CA10: variants seen among roughly 807,000 people sequenced by gnomAD.
The protein encoded by CA10 is carbonic anhydrase 10 (inactive).
In CA10, 14 loss-of-function variants were observed where a neutral mutation model predicts 44.2. The observed-to-expected ratio is 0.32, with a 90% CI of 0.21 to 0.50. The LOEUF is 0.50. CA10 is among the 20% of genes least tolerant of loss of function. The pLI, the probability that CA10 is intolerant of heterozygous loss-of-function variation, is 0.99. For synonymous variants in CA10, 159 were observed against 141.6 expected (o/e 1.12, Z -0.87); for missense variants, 350 against 409.7 (o/e 0.85, Z 1.26).
intron 1 of CA10, among the ~76,000 whole-genome samples, chr17:52,106,532 C>T (rs936217391): frequency 1.3e-5 from 2 of 152,160 alleles, no homozygotes. Flanking sequence ...TACAAAAACA[C>T]ATGTCAAGTT....
intron 3 of CA10, among the ~76,000 whole-genome samples, chr17:51,823,828 C>CA (rs1907909949): frequency 6.6e-6 from 1 of 152,182 alleles, no homozygotes; most frequent in South Asian, 2.1e-4. Flanking sequence ...CAACATAAAT[C>CA]ATTTATTAAG....
intron 1 of CA10, among the ~76,000 whole-genome samples, chr17:52,132,588 G>A (rs1989266138): frequency 6.6e-6 from 1 of 152,132 alleles, no homozygotes; most frequent in Non-Finnish European, 1.5e-5. Flanking sequence ...TTATATGTGG[G>A]GCACAGCAAC....
At chr17:51,771,545 A>C (rs896006733) in intron 3 of CA10, among the ~76,000 whole-genome samples, 3 of 151,962 alleles carry the variant, frequency 2.0e-5, no homozygotes, top group Admixed American at 2.0e-4. Flanking sequence ...GGGTCTGGAG[A>C]CTCCGATTTT....
At chr17:51,745,454 G>A (rs73354929) in intron 4 of CA10, among the ~76,000 whole-genome samples, 1 of 152,254 alleles carries the variant, frequency 6.6e-6, no homozygotes, top group African/African-American at 2.4e-5. Flanking sequence ...ACATAATAAT[G>A]TACCATTGTG....
Position 51,707,669 on chromosome 17 carries a change from A to ATGTGTGTGTGTGTG in CA10, c.465+39963_465+39964insCACACACACACACA, listed in dbSNP as rs1491192056. Among the ~76,000 whole-genome samples the ATGTGTGTGTGTGTG allele has an allele frequency of 6.0e-3, 240 of 39,804 alleles. 1 individual carries two copies. The highest frequency in any genetic ancestry group is 0.023 in the South Asian group (16 of 704). 26.1% of individuals were successfully genotyped at this position (39,804 alleles called of 152,430 possible). A position where few individuals can be genotyped will look rare whatever the true frequency, so the allele number is the denominator to read the frequency against. ...GTGTGCAGGGAAGGAAAGTGGATGA[A>ATGTGTGTGTGTGTG]TATGTGTGTGTGTGTGTGTGTGTGT... On this transcript the variant is annotated intron_variant, in intron 4 of 8. Coordinates refer to ENST00000451037, the MANE Select transcript of CA10 (RefSeq NM_020178.5).
At chr17:51,719,076 T>A (rs1384497016) in intron 4 of CA10, among the ~76,000 whole-genome samples, 1 of 152,078 alleles carries the variant, frequency 6.6e-6, no homozygotes, top group Non-Finnish European at 1.5e-5. Context: ...ATACCACACA[T>A]CAGCATGTGT....
chr17:52,033,408 T>A (rs564236409), intron 2 of CA10, among the ~76,000 whole-genome samples: 7 of 152,268 alleles, frequency 4.6e-5, no homozygotes, highest in Non-Finnish European at 1.0e-4. Context: ...TGCCCTATAA[T>A]CCGGAAGTCA....
intron 1 of CA10, among the ~76,000 whole-genome samples, chr17:52,090,681 T>C (rs900079125): frequency 6.6e-6 from 1 of 152,172 alleles, no homozygotes; most frequent in Non-Finnish European, 1.5e-5. Context: ...TTTAAGTTAA[T>C]GTAGGTTCCT....
intron 2 of CA10, among the ~76,000 whole-genome samples, chr17:52,025,842 T>C (rs1168423235): frequency 2.0e-5 from 3 of 152,048 alleles, no homozygotes; most frequent in Non-Finnish European, 4.4e-5. Flanking sequence ...GAATTGATGG[T>C]GACAGGGAAG....
chr17:51,733,605 T>C (rs1916795041), intron 4 of CA10, among the ~76,000 whole-genome samples: 1 of 152,210 alleles, frequency 6.6e-6, no homozygotes, highest in Non-Finnish European at 1.5e-5. Context: ...CTTTGTAGGA[T>C]TGAGTGTTTG....
chr17:52,066,004 T>G (rs1987526139), intron 2 of CA10, among the ~76,000 whole-genome samples: 1 of 152,202 alleles, frequency 6.6e-6, no homozygotes, highest in African/African-American at 2.4e-5. Context: ...CCTGTGAAGG[T>G]GACTTGCTTC....
At chr17:51,659,311 T>C (rs1208953664) in intron 4 of CA10, among the ~76,000 whole-genome samples, 1 of 152,152 alleles carries the variant, frequency 6.6e-6, no homozygotes, top group African/African-American at 2.4e-5. Context: ...CTCTGGGACT[T>C]ACACTAGCGA....
intron 4 of CA10, among the ~76,000 whole-genome samples, chr17:51,675,954 A>G (rs1914614171): frequency 6.6e-6 from 1 of 152,184 alleles, no homozygotes; most frequent in Non-Finnish European, 1.5e-5. Flanking sequence ...GGATCTACAC[A>G]TATCTTGTAG....
chr17:51,746,633 C>A (rs1197980243), intron 4 of CA10, among the ~76,000 whole-genome samples: 5 of 152,218 alleles, frequency 3.3e-5, no homozygotes, highest in Admixed American at 2.0e-4. Flanking sequence ...ACTCTTTGAG[C>A]TCCTCTGTGG....
chr17:51,899,938 T>G (rs1296362067), intron 3 of CA10, among the ~76,000 whole-genome samples: 5 of 148,886 alleles, frequency 3.4e-5, no homozygotes, highest in African/African-American at 2.5e-5. Context: ...TCACTGCATG[T>G]GAGATGGGTC....
At chr17:52,024,710 C>T (rs894055959) in intron 2 of CA10, among the ~76,000 whole-genome samples, 3 of 152,022 alleles carry the variant, frequency 2.0e-5, no homozygotes, top group Admixed American at 6.6e-5. Context: ...TGTGTCTAAG[C>T]TTCAGATTTC....
At chr17:51,971,194 G>A (rs1488343195) in intron 2 of CA10, among the ~76,000 whole-genome samples, 1 of 151,988 alleles carries the variant, frequency 6.6e-6, no homozygotes, top group Non-Finnish European at 1.5e-5. Context: ...CATGAGGAGT[G>A]CCTAGAAATG....
At chr17:51,876,175 T>G (rs1465684943) in intron 3 of CA10, among the ~76,000 whole-genome samples, 6 of 142,752 alleles carry the variant, frequency 4.2e-5, no homozygotes, top group Admixed American at 2.8e-4. Flanking sequence ...TTTTTTTTTT[T>G]TTTTTTTTTT....
intron 2 of CA10, among the ~76,000 whole-genome samples, chr17:51,933,276 C>G (rs1391784359): frequency 6.6e-6 from 1 of 152,076 alleles, no homozygotes; most frequent in Non-Finnish European, 1.5e-5. Context: ...CTAGGATTAT[C>G]TGGGTGGGCC....
Sources: gnomAD v4.1 joint callset for allele counts (sites outside exome capture counted in the v4.1 genomes callset) on GRCh38, gnomAD v4.1.1 for gene constraint, MANE v1.5 for transcripts, NCBI Gene and HGNC (gene_info 2026-07-23, HGNC 2026-07-21) for gene names.